FGA: variants seen among roughly 807,000 people sequenced by gnomAD.
FGA encodes the protein fibrinogen alpha chain, also known as fibrinogen, A alpha polypeptide.
FGA carries 20 observed loss-of-function variants against 20.3 expected under a neutral mutation model. The ratio of observed to expected loss-of-function variants is 0.99; its 90% CI spans 0.69 to 1.43. FGA has a LOEUF of 1.43. FGA is among the 40% of genes most tolerant of loss of function. The pLI is 0.00. For missense variants in FGA, 777 were observed against 784.7 expected (o/e 0.99, Z 0.12); for synonymous variants, 306 against 281.6 (o/e 1.09, Z -0.87).
chr4:154,586,908 T>A lies in FGA; in HGVS notation c.521A>T (p.Asp174Val). 6.2e-7 allele frequency: 1 copy of A among 1,613,760 alleles called. No individual in the cohort carries two copies. Among genetic ancestry groups the A allele is most frequent in the Non-Finnish European group, 8.5e-7 (1 of 1,179,940 alleles). The change falls in exon 5 of 5, where the codon GAT (aspartate) becomes GTT (valine). Residue 174 changes from aspartate to valine, a missense_variant. By Grantham distance (152) the Asp-to-Val change is radical. Coordinates refer to ENST00000403106, the MANE Select transcript of FGA (RefSeq NM_021871.4). ...CCCTCGACAAGATCGGATCTTAATA[T>A]CAATGTCCACCTAGAGAGAGGGGAG... is the stretch of plus-strand genomic sequence containing the variant. ...VDMKRLEVDI[D>V]IKIRSCRGSC... is the part of the protein sequence containing the mutation.
At chr4:154,585,020 T>G (rs905545661), downstream of FGA, among the ~76,000 whole-genome samples, 3 of 152,228 alleles carry the variant, frequency 2.0e-5, no homozygotes, top group Non-Finnish European at 4.4e-5. Context: ...AAGCGGTTAT[T>G]TATACCTACA....
Position 154,585,969 on chromosome 4 carries a change from T to A in FGA, c.1460A>T (p.Asp487Val). The part of the protein sequence containing the change: ...EVTKEVVTSE[D>V]GSDCPEAMDL... ...CATTGCCTCGGGACAGTCAGAACCA[T>A]CTTCGGAGGTCACCACTTCTTTGGT... Residue 487 changes from aspartate to valine, a missense_variant, in exon 5 of 5, where the codon GAT becomes GTT. Physicochemically the swap from Asp to Val is radical, Grantham distance 152. Transcript: ENST00000403106. 2 of 1,614,162 alleles carry A rather than the reference T, an allele frequency of 1.2e-6. No homozygotes were observed. The highest frequency in any genetic ancestry group is 2.2e-5 in the East Asian group (1 of 44,878).
Position 154,585,769 on chromosome 4 carries a change from A to C in FGA, c.1660T>G (p.Phe554Val), listed in dbSNP as rs1360223539. 2 of 1,614,182 alleles carry C rather than the reference A, an allele frequency of 1.2e-6. No individual in the cohort carries two copies. Among genetic ancestry groups the C allele is most frequent in the Admixed American group, 1.7e-5 (1 of 60,022 alleles). ...TESRGSESGI[F>V]TNTKESSSHH... The stretch of plus-strand genomic sequence containing the variant: ...GAACTGGATTCCTTTGTATTTGTGA[A>C]GATGCCAGATTCTGAGCCCCTAGAC... Residue 554 changes from phenylalanine (F) to valine (V), a missense_variant, in exon 5 of 5, where the codon TTC becomes GTC. By Grantham distance (50) the Phe-to-Val change is conservative. Coordinates refer to ENST00000403106, the MANE Select transcript of FGA (RefSeq NM_021871.4).
At chr4:154,585,115 A>G (rs1252896097), downstream of FGA, 5 of 711,552 alleles carry the variant, frequency 7.0e-6, no homozygotes, top group South Asian at 2.0e-5. Context: ...GTAGCTAAGC[A>G]TCACTTAATA....
Position 154,590,641 on chromosome 4 carries a change from G to C in FGA, c.47C>G (p.Thr16Arg). The C allele has an allele frequency of 6.4e-7, 1 of 1,557,384 alleles. No homozygotes were observed. The highest frequency in any genetic ancestry group is 8.7e-7 in the Non-Finnish European group (1 of 1,149,764). ...AAATGAAAAGGGCCATACCCATGCT[G>C]TGCCCACCACACTTAGGACCAGGCA... is the stretch of plus-strand genomic sequence containing the variant. ...IVCLVLSVVG[T>R]AWTADSGEGD... is the part of the protein sequence containing the mutation. Residue 16 changes from threonine to arginine, a missense_variant, in exon 1 of 5, where the codon ACA becomes AGA. Transcript: ENST00000403106.
intron 1 of FGA, 121 bp from the exon 2 acceptor site, chr4:154,589,683 C>A: frequency 1.2e-5 from 13 of 1,109,710 alleles, no homozygotes. Context: ...TTAAGGAGAG[C>A]AGACACAGGG....
In FGA at chr4:154,589,793, T is replaced by A. The variant is rs557023362; in HGVS notation, c.55-231A>T. Among the ~76,000 whole-genome samples, 23 of 152,340 alleles carry A rather than the reference T, an allele frequency of 1.5e-4. No individual in the cohort carries two copies. The South Asian group carries it at 4.8e-3, about 32-fold the overall frequency. ...AAAGGAGACAAGGTGTACAAATTTC[T>A]TAACTGTGTGTGACACTTAAATAAG... On this transcript the variant is annotated intron_variant, in intron 1 of 4. Transcript: ENST00000403106.
In FGA at chr4:154,585,283, T is replaced by C; in HGVS notation, c.*211A>G. 1 of 1,343,614 alleles carries C rather than the reference T, an allele frequency of 7.4e-7. No homozygotes were observed. The highest frequency in any genetic ancestry group is 1.5e-5 in the African/African-American group (1 of 68,028). 83.2% of individuals were successfully genotyped at this position (1,343,614 alleles called of 1,614,324 possible). On this transcript the variant is annotated 3_prime_UTR_variant, in exon 5 of 5. Coordinates refer to ENST00000403106, the MANE Select transcript of FGA (RefSeq NM_021871.4). ...ATAGAGTTTCAGAGGAATTCATTCA[T>C]CCATTTAACATGTATTTATTGAGTC...
intron 3 of FGA, 103 bp from the exon 4 acceptor site, chr4:154,587,760 AAAGAAAGAAAGAAAGAAAGAAAG>A (rs1224421966): frequency 1.0e-4 from 59 of 592,174 alleles, no homozygotes; most frequent in African/African-American, 9.9e-4. Flanking sequence ...AGAAAGAAAG[AAAGAAAGAAAGAAAGAAAGAAAG>A]AAAGAAAGAA....
downstream of FGA, chr4:154,584,534 A>T (rs775246327): frequency 6.2e-7 from 1 of 1,614,148 alleles, no homozygotes; most frequent in Non-Finnish European, 8.5e-7. Flanking sequence ...TTCCCAGCCC[A>T]GTCCTCTAAT....
chr4:154,589,238 G>T (rs1730812231), intron 2 of FGA, among the ~76,000 whole-genome samples, 199 bp downstream of exon 2: 1 of 152,146 alleles, frequency 6.6e-6, no homozygotes, highest in Non-Finnish European at 1.5e-5. Flanking sequence ...AATCCTGTCT[G>T]TTCACCCACT....
At chr4:154,584,789 C>T (rs1560823866), downstream of FGA, 1 of 1,613,908 alleles carries the variant, frequency 6.2e-7, no homozygotes, top group Non-Finnish European at 8.5e-7. Context: ...TTGAAAATGC[C>T]ACTTTGGGTA....
intron 3 of FGA, among the ~76,000 whole-genome samples, chr4:154,588,177 A>C (rs1259952635): frequency 1.3e-5 from 2 of 152,164 alleles, no homozygotes; most frequent in South Asian, 2.1e-4. Context: ...AGGATCACTC[A>C]CTTGCCAGCT....
Position 154,586,095 on chromosome 4 carries a change from C to G in FGA, c.1334G>C (p.Gly445Ala). The G allele has an allele frequency of 6.2e-7, 1 of 1,614,094 alleles. No individual in the cohort carries two copies. Among genetic ancestry groups the G allele is most frequent in the Non-Finnish European group, 8.5e-7 (1 of 1,179,990 alleles). Reference sequence around the variant, plus strand: ...GCTACCAGAGGTGACCTTCTCTTTACCAGTCCTGAGCTCTTTATCTCCTTT... The same window carrying G: ...GCTACCAGAGGTGACCTTCTCTTTAGCAGTCCTGAGCTCTTTATCTCCTTT... ...TSKGDKELRT[G>A]KEKVTSGSTT... Residue 445 changes from glycine to alanine, a missense_variant, in exon 5 of 5, where the codon GGT becomes GCT. Coordinates refer to ENST00000403106, the MANE Select transcript of FGA (RefSeq NM_021871.4).
rs751014669 is a variant in FGA, at chr4:154,586,802, G to C, written c.627C>G (p.Ala209=). The part of the protein sequence containing the change: ...DQQKQLEQVI[A]KDLLPSRDRQ... The stretch of plus-strand genomic sequence containing the variant: ...TATCTCTAGAGGGAAGTAAGTCTTT[G>C]GCAATGACCTGTTCAAGTTGCTTCT... Residue 209 remains alanine (A), a synonymous_variant, in exon 5 of 5, where the codon GCC becomes GCG. Transcript: ENST00000403106. The C allele has an allele frequency of 1.1e-5, 18 of 1,613,982 alleles. No individual in the cohort carries two copies. Among genetic ancestry groups the C allele is most frequent in the Non-Finnish European group, 5.1e-6 (6 of 1,180,030 alleles).
rs957624137 is a variant in FGA, at chr4:154,585,952, C to T, written c.1477G>A (p.Glu493Lys). The T allele has an allele frequency of 6.8e-6, 11 of 1,614,002 alleles. No homozygotes were observed. The highest frequency in any genetic ancestry group is 8.5e-6 in the Non-Finnish European group (10 of 1,180,004). ...GACAATGTGCCTAAATCCATTGCCT[C>T]GGGACAGTCAGAACCATCTTCGGAG... Reference protein sequence around the residue: ...VTSEDGSDCPEAMDLGTLSGI... With the variant: ...VTSEDGSDCPKAMDLGTLSGI... The change falls in exon 5 of 5, where the codon GAG becomes AAG. Residue 493 changes from glutamate (E) to lysine (K), a missense_variant. Coordinates refer to ENST00000403106, the MANE Select transcript of FGA (RefSeq NM_021871.4).
At chr4:154,584,250 G>C, downstream of FGA, 1 of 1,614,058 alleles carries the variant, frequency 6.2e-7, no homozygotes, top group Non-Finnish European at 8.5e-7. Context: ...GGTCATAGGA[G>C]CCCCCAGGGT....
In FGA at chr4:154,586,465, T is replaced by A; in HGVS notation, c.964A>T (p.Lys322Ter). 1 of 1,609,168 alleles carries A rather than the reference T, an allele frequency of 6.2e-7. No individual in the cohort carries two copies. Among genetic ancestry groups the A allele is most frequent in the Non-Finnish European group, 8.5e-7 (1 of 1,176,854 alleles). ...SSGTGGTATW[K>*]PGSSGPGSTG... ...CTTCCAGGTCCAGAGCTCCCAGGTT[T>A]CCAGGTTGCAGTCCCTCCAGTCCCA... The change falls in exon 5 of 5, where the codon AAA (lysine) becomes TAA (stop). Residue 322 changes from lysine to a stop codon, truncating the protein, a stop_gained. Transcript: ENST00000403106. LOFTEE classifies it low-confidence loss of function (END_TRUNC).
chr4:154,586,811 C>T lies in FGA; in HGVS notation c.618G>A (p.Gln206=). 6.2e-7 allele frequency: 1 copy of T among 1,614,130 alleles called. No homozygotes were observed. Among genetic ancestry groups the T allele is most frequent in the Non-Finnish European group, 8.5e-7 (1 of 1,180,000 alleles). ...AGGGAAGTAAGTCTTTGGCAATGAC[C>T]TGTTCAAGTTGCTTCTGCTGATCTT... is the stretch of plus-strand genomic sequence containing the variant. ...DYEDQQKQLE[Q]VIAKDLLPSR... The change falls in exon 5 of 5, where the codon CAG becomes CAA. Residue 206 remains glutamine, a synonymous_variant. Coordinates refer to ENST00000403106, the MANE Select transcript of FGA (RefSeq NM_021871.4).
Sources: allele counts gnomAD v4.1 joint callset (sites outside exome capture counted in the v4.1 genomes callset), GRCh38; gene constraint gnomAD v4.1.1; transcripts MANE v1.5; gene names NCBI Gene and HGNC (gene_info 2026-07-23, HGNC 2026-07-21).